The following DCP2 variants were observed in gnomAD, a reference collection of about 807,000 sequenced individuals.
DCP2 encodes the protein decapping mRNA 2.
DCP2 carries 30 observed loss-of-function variants against 56.1 expected under a neutral mutation model. The observed-to-expected ratio is 0.53, with a 90% confidence interval of 0.40 to 0.73. DCP2 has a LOEUF of 0.73. Among genes scored for constraint, DCP2 ranks in the 30% least tolerant of loss-of-function variants. The probability of loss-of-function intolerance (pLI) is 0.00; values close to 1 mark genes in which losing one functional copy is unlikely to be tolerated. For synonymous variants in DCP2, 197 were observed against 163.3 expected, an observed-to-expected ratio of 1.21 and a Z score of -1.57; for missense variants, 533 against 502.7, an observed-to-expected ratio of 1.06 and a Z score of -0.58.
At chr5:113,000,685 A>G (rs1749136169) in intron 4 of DCP2, among the ~76,000 whole-genome samples, 2 of 152,198 alleles carry the variant, frequency 1.3e-5, no homozygotes, top group South Asian at 2.1e-4. Context: ...GACAGCTTGC[A>G]TGAGTCAGTT....
intron 4 of DCP2, among the ~76,000 whole-genome samples, chr5:112,993,795 C>G (rs1170619043): frequency 6.6e-6 from 1 of 152,022 alleles, no homozygotes; most frequent in Non-Finnish European, 1.5e-5. Flanking sequence ...CACCAACTAA[C>G]TCTGTGTATA....
At position 112,992,680 on chromosome 5, in the gene DCP2, A is replaced by T. The variant is rs3733969; in HGVS notation, c.342A>T (p.Leu114=). 1 of 1,577,698 alleles carries T rather than the reference A, an allele frequency of 6.3e-7. No individual in the cohort carries two copies. Among genetic ancestry groups the T allele is most frequent in the Non-Finnish European group, 8.6e-7 (1 of 1,168,408 alleles). ...ILDETLENVL[L]VQGYLAKSGW... ...TTCTGCTTGTTTTGTAGGTACTACT[A>T]GTTCAGGGGTACCTAGCAAAATCAG... Residue 114 remains leucine, a synonymous_variant, in exon 4 of 11, where the codon CTA becomes CTT. Transcript: ENST00000389063.
chr5:112,990,668 CT>C (rs1273804124), intron 2 of DCP2, among the ~76,000 whole-genome samples: 1 of 152,100 alleles, frequency 6.6e-6, no homozygotes, highest in East Asian at 1.9e-4. Flanking sequence ...TCTTGAACTC[CT>C]GGGCTCAAGC....
intron 1 of DCP2, among the ~76,000 whole-genome samples, chr5:112,985,392 A>G (rs1387889206): frequency 6.6e-6 from 1 of 152,244 alleles, no homozygotes; most frequent in Non-Finnish European, 1.5e-5. Context: ...GTCCTAGTAT[A>G]TTAATGAGCA....
At chr5:113,000,589 C>G (rs185745893) in intron 4 of DCP2, among the ~76,000 whole-genome samples, 23 of 152,156 alleles carry the variant, frequency 1.5e-4, no homozygotes, top group Non-Finnish European at 3.4e-4. Context: ...CATTATTAAG[C>G]TCTATCTCAA....
At chr5:113,010,034 C>CT (rs532353785) in intron 9 of DCP2, among the ~76,000 whole-genome samples, 22,240 of 127,522 alleles carry the variant, frequency 0.17, 2,142 homozygotes, top group Non-Finnish European at 0.22. Context: ...TGCCTCAGCT[C>CT]TTTTTTTTTT....
chr5:112,983,946 A>G (rs1748127857), intron 1 of DCP2: 1 of 152,164 alleles, frequency 6.6e-6, no homozygotes, highest in African/African-American at 2.4e-5. Context: ...TATAGTATTT[A>G]CCTCCCCTTT....
chr5:112,991,362 T>C (rs930812222), intron 2 of DCP2, among the ~76,000 whole-genome samples: 3 of 152,046 alleles, frequency 2.0e-5, no homozygotes, highest in African/African-American at 7.3e-5. Context: ...TAGCATGGAG[T>C]GTTGGAAGTC....
chr5:112,988,874 A>G (rs536953355), intron 2 of DCP2, among the ~76,000 whole-genome samples: 16 of 152,290 alleles, frequency 1.1e-4, no homozygotes, highest in African/African-American at 3.4e-4. Flanking sequence ...GCAACTTTAC[A>G]TACTTTAGGG....
Position 112,976,869 on chromosome 5 carries a change from T to C in DCP2, c.-65T>C. ...GCTCTCCGGCGAGCCGGAGTCCTAG[T>C]GCCGTACCGTCAGTCCCCGGCCGCG... On this transcript the variant is annotated 5_prime_UTR_variant, in exon 1 of 11. Coordinates refer to ENST00000389063, the MANE Select transcript of DCP2 (RefSeq NM_152624.6). 1.9e-6 allele frequency: 3 copies of C among 1,552,088 alleles called. No individual in the cohort carries two copies. Among genetic ancestry groups the C allele is most frequent in the Non-Finnish European group, 1.8e-6 (2 of 1,123,556 alleles).
At chr5:113,011,353 G>A (rs1174723493) in intron 10 of DCP2, among the ~76,000 whole-genome samples, 3 of 152,126 alleles carry the variant, frequency 2.0e-5, no homozygotes, top group African/African-American at 4.8e-5. Flanking sequence ...CTCCTTCCTC[G>A]GTTATGAAAA....
chr5:113,013,738 C>A lies in DCP2; in HGVS notation c.*254C>A, dbSNP rs549902955. 1.4e-3 allele frequency: 510 copies of A among 353,958 alleles called. 1 individual carries two copies. Among genetic ancestry groups the A allele is most frequent in the Non-Finnish European group, 2.3e-3 (461 of 197,426 alleles). 21.9% of individuals were successfully genotyped at this position (353,958 alleles called of 1,614,324 possible). On this transcript the variant is annotated 3_prime_UTR_variant, in exon 11 of 11. Transcript: ENST00000389063. The stretch of plus-strand genomic sequence containing the variant: ...GTTGCTTTCTTTGAGGGCATTTATT[C>A]TGTGTGACTGTGGGTTTTATTTTGT...
At chr5:112,996,923 G>A (rs533728194) in intron 4 of DCP2, among the ~76,000 whole-genome samples, 24 of 152,298 alleles carry the variant, frequency 1.6e-4, no homozygotes, top group Non-Finnish European at 3.5e-4. Flanking sequence ...AATAAAATGA[G>A]CATTCCAATG....
chr5:112,993,123 G>A (rs531402583), intron 4 of DCP2, among the ~76,000 whole-genome samples: 1 of 152,104 alleles, frequency 6.6e-6, no homozygotes, highest in African/African-American at 2.4e-5. Context: ...TTCCTGACAA[G>A]TGCACAATTT....
intron 8 of DCP2, among the ~76,000 whole-genome samples, chr5:113,005,151 G>GTGTGTGTGTGTGT (rs1749361092): frequency 3.5e-4 from 52 of 149,418 alleles, no homozygotes; most frequent in African/African-American, 6.2e-4. Flanking sequence ...TGTGCGTGTG[G>GTGTGTGTGTGTGT]GTGTGTGTGT....
intron 4 of DCP2, among the ~76,000 whole-genome samples, chr5:112,997,429 T>C (rs1748912621): frequency 1.3e-5 from 2 of 152,150 alleles, no homozygotes; most frequent in South Asian, 2.1e-4. Context: ...GGCAAAGCAG[T>C]GTTTTAGTGT....
chr5:113,006,568 A>G (rs556538912), intron 8 of DCP2, among the ~76,000 whole-genome samples: 1 of 152,194 alleles, frequency 6.6e-6, no homozygotes, highest in African/African-American at 2.4e-5. Flanking sequence ...CAGCTATTTT[A>G]GCAACTGGTT....
At chr5:112,999,643 T>A (rs1039343102) in intron 4 of DCP2, among the ~76,000 whole-genome samples, 1 of 148,892 alleles carries the variant, frequency 6.7e-6, no homozygotes, top group African/African-American at 2.5e-5. Flanking sequence ...TTTTTTTTTT[T>A]AAAGACAGGG....
chr5:112,986,919 CTT>C (rs1748316080), intron 2 of DCP2, among the ~76,000 whole-genome samples: 1 of 152,162 alleles, frequency 6.6e-6, no homozygotes, highest in South Asian at 2.1e-4. Context: ...AGGAGGGTCT[CTT>C]GAGCCTGGGA....
Sources: gnomAD v4.1 joint callset for allele counts (sites outside exome capture counted in the v4.1 genomes callset) on GRCh38, gnomAD v4.1.1 for gene constraint, MANE v1.5 for transcripts, NCBI Gene and HGNC (gene_info 2026-07-23, HGNC 2026-07-21) for gene names.